CTNNA3: variants seen among roughly 807,000 people sequenced by gnomAD.
CTNNA3 encodes the protein catenin alpha 3.
In CTNNA3, 76 loss-of-function variants were observed where a neutral mutation model predicts 95.7. That is an observed-to-expected ratio of 0.79 (90% CI 0.66 to 0.96). The LOEUF is 0.96. Among genes scored for constraint, CTNNA3 ranks in the 40% least tolerant of loss-of-function variants. The pLI is 0.00. For synonymous variants in CTNNA3, 431 were observed against 374.4 expected (o/e 1.15, Z -1.74); for missense variants, 1,191 against 1,089.8 (o/e 1.09, Z -1.31).
intron 11 of CTNNA3, among the ~76,000 whole-genome samples, chr10:66,412,568 C>T (rs1434849868): frequency 2.7e-5 from 4 of 148,454 alleles, no homozygotes; most frequent in Non-Finnish European, 5.9e-5. Context: ...TTACACCATT[C>T]TCCTTCTCAG....
intron 15 of CTNNA3, among the ~76,000 whole-genome samples, chr10:66,000,981 C>T (rs2078758778): frequency 1.3e-5 from 2 of 152,024 alleles, no homozygotes; most frequent in South Asian, 2.1e-4. Context: ...ATCACCTTAG[C>T]CATTGATGGG....
chr10:66,018,219 C>CACACAA lies in CTNNA3; in HGVS notation c.2160-29423_2160-29422insTTGTGT, dbSNP rs1554830397. ...ACACACACACACACACACACACACA[C>CACACAA]TATTTTATTGGCTGACAAAGAATAA... On this transcript the variant is annotated intron_variant, in intron 15 of 17. Transcript: ENST00000433211. 2.5e-3 allele frequency among the ~76,000 whole-genome samples: 371 copies of CACACAA among 151,384 alleles called. 1 individual carries two copies. Among genetic ancestry groups the CACACAA allele is most frequent in the African/African-American group, 8.8e-3 (362 of 41,326 alleles).
chr10:67,315,992 AAT>A (rs1017701528), intron 5 of CTNNA3, among the ~76,000 whole-genome samples: 5 of 152,144 alleles, frequency 3.3e-5, no homozygotes, highest in Non-Finnish European at 7.4e-5. Context: ...TGAAAGAAAA[AAT>A]ATGTTAATTT....
chr10:66,297,788 A>G (rs772883115), intron 12 of CTNNA3, among the ~76,000 whole-genome samples: 8 of 152,210 alleles, frequency 5.3e-5, no homozygotes, highest in African/African-American at 1.9e-4. Context: ...CTGTATTTCT[A>G]TGGTGGAGCT....
intron 7 of CTNNA3, among the ~76,000 whole-genome samples, chr10:67,094,205 C>A (rs1678402469): frequency 6.6e-6 from 1 of 151,834 alleles, no homozygotes; most frequent in Non-Finnish European, 1.5e-5. Context: ...AAATATCCCT[C>A]CCTTACAAAT....
chr10:66,244,348 A>G (rs1056809577), intron 13 of CTNNA3, among the ~76,000 whole-genome samples: 7 of 152,200 alleles, frequency 4.6e-5, no homozygotes, highest in Non-Finnish European at 8.8e-5. Flanking sequence ...GGACATAAAC[A>G]TGGCTGCCTT....
chr10:67,664,183 T>C (rs1564817987), intron 1 of CTNNA3, among the ~76,000 whole-genome samples: 1 of 152,344 alleles, frequency 6.6e-6, no homozygotes, highest in South Asian at 2.1e-4. Flanking sequence ...TTTTAAACAT[T>C]GTCTTGATCA....
intron 2 of CTNNA3, among the ~76,000 whole-genome samples, chr10:67,628,224 C>A (rs1377909709): frequency 1.3e-5 from 2 of 149,962 alleles, no homozygotes; most frequent in Non-Finnish European, 3.0e-5. Flanking sequence ...TAGTAAACGA[C>A]TTTGGTTCAC....
intron 7 of CTNNA3, among the ~76,000 whole-genome samples, chr10:66,860,492 TAC>T (rs1203291056): frequency 1.3e-5 from 2 of 152,148 alleles, no homozygotes; most frequent in Admixed American, 1.3e-4. Flanking sequence ...TGGCAAATTC[TAC>T]AGTCGGCAGA....
intron 9 of CTNNA3, among the ~76,000 whole-genome samples, chr10:66,737,884 C>T (rs1437510873): frequency 6.6e-6 from 1 of 152,144 alleles, no homozygotes; most frequent in Non-Finnish European, 1.5e-5. Context: ...GTCTCGATCT[C>T]GTGACCTTGT....
At chr10:67,713,827 C>G (rs985018056) in intron 1 of CTNNA3, among the ~76,000 whole-genome samples, 2 of 152,132 alleles carry the variant, frequency 1.3e-5, no homozygotes, top group African/African-American at 2.4e-5. Flanking sequence ...AGACAAATAC[C>G]TAACGCATGA....
intron 11 of CTNNA3, among the ~76,000 whole-genome samples, chr10:66,493,062 T>C (rs531802202): frequency 1.3e-5 from 2 of 152,296 alleles, no homozygotes; most frequent in Non-Finnish European, 2.9e-5. Context: ...GCACAGATCA[T>C]ATCTAGGGAA....
intron 5 of CTNNA3, among the ~76,000 whole-genome samples, chr10:67,257,431 A>G (rs1866401452): frequency 1.3e-5 from 2 of 152,244 alleles, no homozygotes; most frequent in African/African-American, 2.4e-5. Context: ...ATACCTGAGC[A>G]GTGTTCTTGT....
chr10:67,197,430 T>C (rs926816888), intron 6 of CTNNA3, among the ~76,000 whole-genome samples: 2 of 152,022 alleles, frequency 1.3e-5, no homozygotes, highest in Admixed American at 6.6e-5. Flanking sequence ...GATTCATGGG[T>C]GAATTGTGCA....
chr10:66,990,230 A>G (rs1164854909), intron 7 of CTNNA3, among the ~76,000 whole-genome samples: 1 of 152,148 alleles, frequency 6.6e-6, no homozygotes, highest in Admixed American at 6.6e-5. Flanking sequence ...AGGTGGGGCC[A>G]ATGTGTCCCA....
intron 9 of CTNNA3, among the ~76,000 whole-genome samples, chr10:66,633,572 T>C (rs945008150): frequency 1.6e-4 from 25 of 151,842 alleles, no homozygotes; most frequent in Admixed American, 3.9e-4. Context: ...CCCAGCTACT[T>C]GGGAGGCTAA....
chr10:66,716,883 G>A (rs139956724), intron 9 of CTNNA3, among the ~76,000 whole-genome samples: 1 of 152,084 alleles, frequency 6.6e-6, no homozygotes, highest in Non-Finnish European at 1.5e-5. Flanking sequence ...CTAGCTATCT[G>A]GTCAAATATT....
chr10:67,085,807 G>T (rs1857278557), intron 7 of CTNNA3, among the ~76,000 whole-genome samples: 1 of 151,928 alleles, frequency 6.6e-6, no homozygotes, highest in South Asian at 2.1e-4. Flanking sequence ...CAAACCCTGA[G>T]AAGTCTTTAT....
chr10:67,138,159 G>C (rs1317262598), intron 7 of CTNNA3, among the ~76,000 whole-genome samples: 1 of 152,006 alleles, frequency 6.6e-6, no homozygotes, highest in African/African-American at 2.4e-5. Flanking sequence ...GTGTGAGTGT[G>C]TGTGTGTGAA....
Sources: allele counts gnomAD v4.1 joint callset (sites outside exome capture counted in the v4.1 genomes callset), GRCh38; gene constraint gnomAD v4.1.1; transcripts MANE v1.5; gene names NCBI Gene and HGNC (gene_info 2026-07-23, HGNC 2026-07-21).